Variants in SMARCB1 observed in about 807,000 individuals in gnomAD.
The protein encoded by SMARCB1 is SWI/SNF related BAF chromatin remodeling complex subunit B1.
A neutral mutation model predicts 49.0 loss-of-function variants in SMARCB1; 5 were observed. The ratio of observed to expected loss-of-function variants is 0.10; its 90% confidence interval spans 0.05 to 0.21. SMARCB1 has a LOEUF of 0.21. SMARCB1 is among the 10% of genes least tolerant of loss of function. SMARCB1 has a pLI of 1.00. For missense variants in SMARCB1, 226 were observed against 509.2 expected (o/e 0.44, Z 5.35); for synonymous variants, 201 against 200.1 (o/e 1.00, Z -0.04).
chr22:23,811,303 G>GGA (rs1875280760), intron 5 of SMARCB1, among the ~76,000 whole-genome samples: 1 of 152,176 alleles, frequency 6.6e-6, no homozygotes, highest in South Asian at 2.1e-4. Flanking sequence ...CACAATCATT[G>GGA]GAGACCTCAG....
intron 5 of SMARCB1, among the ~76,000 whole-genome samples, chr22:23,812,626 T>C (rs965016263): frequency 2.0e-5 from 3 of 152,226 alleles, no homozygotes; most frequent in African/African-American, 7.2e-5. Flanking sequence ...AATTATATAC[T>C]GTGACCAAGT....
chr22:23,828,172 G>T (rs1485729673), intron 7 of SMARCB1, among the ~76,000 whole-genome samples: 1 of 152,072 alleles, frequency 6.6e-6, no homozygotes, highest in Non-Finnish European at 1.5e-5. Context: ...CCTGCCTCAG[G>T]CTCCTGAGTA....
chr22:23,831,581 C>T (rs138560081), intron 7 of SMARCB1, among the ~76,000 whole-genome samples: 23 of 152,178 alleles, frequency 1.5e-4, no homozygotes, highest in African/African-American at 5.3e-4. Flanking sequence ...GCTCTAGGCC[C>T]GTTCTTACAT....
rs765111187 is a variant in SMARCB1 at position 23,834,390 on chromosome 22, C to G, written c.*210C>G. The stretch of plus-strand genomic sequence containing the variant: ...GCCCCCCACCCCACCCTCCCTACCC[C>G]TCCCCAGTCTCTGGGGTCAGGAAGA... On this transcript the variant is annotated 3_prime_UTR_variant, in exon 9 of 9. Transcript: ENST00000644036. 1.2e-4 allele frequency: 81 copies of G among 702,902 alleles called. 1 individual carries two copies. The Admixed American group carries it at 1.4e-3, about 12-fold the overall frequency. 43.5% of individuals were successfully genotyped at this position (702,902 alleles called of 1,614,324 possible).
intron 7 of SMARCB1, 36 bp downstream of exon 7, chr22:23,825,451 C>T (rs1401279500): frequency 1.3e-6 from 2 of 1,576,540 alleles, no homozygotes; most frequent in East Asian, 2.2e-5. Flanking sequence ...TCCCTCATCT[C>T]CCTGCAAAAC....
At chr22:23,803,942 C>T (rs546399683) in intron 5 of SMARCB1, 2 of 212,262 alleles carry the variant, frequency 9.4e-6, no homozygotes, top group African/African-American at 2.2e-5. Context: ...CAAATGTAGA[C>T]AGAAAGGTTA....
At chr22:23,826,577 T>C (rs553743309) in intron 7 of SMARCB1, among the ~76,000 whole-genome samples, 84 of 152,304 alleles carry the variant, frequency 5.5e-4, no homozygotes, top group Admixed American at 7.2e-4. Flanking sequence ...TGTTCAGATT[T>C]AGTCTGCTCA....
At chr22:23,797,288 G>A (rs1335167890) in intron 3 of SMARCB1, among the ~76,000 whole-genome samples, 3 of 146,578 alleles carry the variant, frequency 2.0e-5, no homozygotes, top group East Asian at 4.0e-4. Context: ...GTGAGCCACC[G>A]GGCCTGGCCT....
chr22:23,804,782 C>T (rs1050982399), intron 5 of SMARCB1, among the ~76,000 whole-genome samples: 1 of 152,186 alleles, frequency 6.6e-6, no homozygotes, highest in African/African-American at 2.4e-5. Flanking sequence ...CTCAGGTGAT[C>T]CGCCTGCCGT....
intron 1 of SMARCB1, among the ~76,000 whole-genome samples, chr22:23,787,528 C>G (rs1322415238): frequency 6.6e-6 from 1 of 152,190 alleles, no homozygotes; most frequent in African/African-American, 2.4e-5. Context: ...CCAGTGGTTC[C>G]GCGCTGGGTT....
intron 7 of SMARCB1, 100 bp downstream of exon 7, chr22:23,825,515 C>T (rs112493794): frequency 3.6e-5 from 37 of 1,025,282 alleles, no homozygotes; most frequent in African/African-American, 1.4e-4. Flanking sequence ...GGCTTTCTCA[C>T]GCTTCGCAGC....
intron 7 of SMARCB1, among the ~76,000 whole-genome samples, chr22:23,831,839 T>C (rs1437347283): frequency 6.6e-6 from 1 of 152,192 alleles, no homozygotes; most frequent in Non-Finnish European, 1.5e-5. Flanking sequence ...CCTAGACTGC[T>C]AAACCACCCG....
At chr22:23,813,826 A>T (rs981055563) in intron 5 of SMARCB1, among the ~76,000 whole-genome samples, 7 of 152,056 alleles carry the variant, frequency 4.6e-5, no homozygotes, top group African/African-American at 1.2e-4. Context: ...CAATTTATTT[A>T]TTATTATTAT....
At position 23,822,957 on chromosome 22, in the gene SMARCB1, C is replaced by CTTTTT. The variant is rs58056758; in HGVS notation, c.796-2231_796-2227dup. On this transcript the variant is annotated intron_variant, in intron 6 of 8. Transcript: ENST00000644036. Reference sequence around the variant, plus strand: ...TCTGTCAGTGCCCCCACCAGCATAGCTTTTTTTTTTTTTTTTTTTTTTTTT... The same window carrying CTTTTT: ...TCTGTCAGTGCCCCCACCAGCATAGCTTTTTTTTTTTTTTTTTTTTTTTTTTTTTT... Among the ~76,000 whole-genome samples the CTTTTT allele has an allele frequency of 1.1e-3, 77 of 72,762 alleles. 19 individuals carry two copies. Among genetic ancestry groups the CTTTTT allele is most frequent in the Non-Finnish European group, 1.4e-3 (54 of 37,372 alleles). The allele number at this position is 72,762 out of a possible 152,430, so 47.7% of individuals were successfully genotyped here.
chr22:23,803,979 A>G (rs536230604), intron 5 of SMARCB1: 65 of 175,686 alleles, frequency 3.7e-4, no homozygotes, highest in African/African-American at 1.5e-3. Flanking sequence ...AGGTGTCTAG[A>G]CTGCTTATCC....
chr22:23,825,034 C>T (rs2058498395), intron 6 of SMARCB1, 191 bp from the exon 7 acceptor site: 2 of 629,984 alleles, frequency 3.2e-6, no homozygotes, highest in South Asian at 3.7e-5. Context: ...GCCAGAGCCC[C>T]TCATGGCAGA....
chr22:23,822,388 C>T (rs543282154), intron 6 of SMARCB1, among the ~76,000 whole-genome samples: 1 of 152,178 alleles, frequency 6.6e-6, no homozygotes, highest in African/African-American at 2.4e-5. Flanking sequence ...CCCTGCTGTG[C>T]ACCTGCTTGG....
chr22:23,802,874 C>T (rs928596644), intron 4 of SMARCB1: 1 of 338,526 alleles, frequency 3.0e-6, no homozygotes, highest in Admixed American at 4.1e-5. Context: ...CTCACGGAAT[C>T]TGTGCTCTGT....
At chr22:23,812,280 A>T (rs1455199837) in intron 5 of SMARCB1, among the ~76,000 whole-genome samples, 1 of 152,176 alleles carries the variant, frequency 6.6e-6, no homozygotes, top group Non-Finnish European at 1.5e-5. Flanking sequence ...ACATAGCAGG[A>T]TCCAATCTCT....
Sources: gnomAD v4.1 joint callset for allele counts (sites outside exome capture counted in the v4.1 genomes callset) on GRCh38, gnomAD v4.1.1 for gene constraint, MANE v1.5 for transcripts, NCBI Gene and HGNC (gene_info 2026-07-23, HGNC 2026-07-21) for gene names.